The following PDGFC variants were observed in gnomAD, a reference collection of about 807,000 sequenced individuals.
PDGFC encodes platelet derived growth factor C.
Under a neutral mutation model 35.5 loss-of-function variants are expected in PDGFC, and 12 were observed. The ratio of observed to expected loss-of-function variants is 0.34; its 90% CI spans 0.22 to 0.55. The LOEUF (loss-of-function observed/expected upper bound fraction) is 0.55. Ranked by LOEUF, PDGFC falls within the 20% of genes least tolerant of loss-of-function variation. PDGFC has a pLI of 0.91. For synonymous variants in PDGFC, 159 were observed against 148.8 expected (o/e 1.07, Z -0.50); for missense variants, 322 against 412.4 (o/e 0.78, Z 1.90).
chr4:156,825,961 T>C (rs1479627740), intron 2 of PDGFC, among the ~76,000 whole-genome samples: 1 of 151,632 alleles, frequency 6.6e-6, no homozygotes, highest in Non-Finnish European at 1.5e-5. Context: ...CTTTAACTCC[T>C]AGCCCCAAGG....
At chr4:156,804,906 C>T (rs144590890) in intron 3 of PDGFC, among the ~76,000 whole-genome samples, 35 of 152,068 alleles carry the variant, frequency 2.3e-4, no homozygotes, top group Admixed American at 4.6e-4. Context: ...AATTAATCTA[C>T]GATTTTATTT....
intron 3 of PDGFC, among the ~76,000 whole-genome samples, chr4:156,789,976 C>CAAAAAAAAA (rs750843965): frequency 5.4e-5 from 3 of 55,932 alleles, no homozygotes; most frequent in Non-Finnish European, 9.8e-5. Context: ...GTCTCCATCT[C>CAAAAAAAAA]AAAAAAAAAA....
chr4:156,866,785 A>C (rs774288484), intron 1 of PDGFC, among the ~76,000 whole-genome samples: 35 of 140,416 alleles, frequency 2.5e-4, no homozygotes, highest in Non-Finnish European at 4.5e-4. Flanking sequence ...GCTTAACATT[A>C]ATTAAAACAG....
chr4:156,909,708 T>C (rs1253750121), intron 1 of PDGFC, among the ~76,000 whole-genome samples: 1 of 152,224 alleles, frequency 6.6e-6, no homozygotes, highest in Non-Finnish European at 1.5e-5. Context: ...GATTTTCTTT[T>C]ACTGTGTCCT....
chr4:156,771,771 T>C (rs1278479630), intron 4 of PDGFC, among the ~76,000 whole-genome samples: 1 of 152,144 alleles, frequency 6.6e-6, no homozygotes, highest in Admixed American at 6.6e-5. Flanking sequence ...TAACCGAACA[T>C]TATTCCTTTC....
At chr4:156,905,986 G>A (rs1730906595) in intron 1 of PDGFC, among the ~76,000 whole-genome samples, 1 of 152,010 alleles carries the variant, frequency 6.6e-6, no homozygotes, top group Admixed American at 6.6e-5. Context: ...ATGAAACCCA[G>A]TATTAAAAGA....
intron 2 of PDGFC, among the ~76,000 whole-genome samples, chr4:156,847,155 C>T (rs1729346551): frequency 6.6e-6 from 1 of 151,520 alleles, no homozygotes; most frequent in African/African-American, 2.4e-5. Context: ...TCAGTATCTC[C>T]TTGAGTGTGG....
chr4:156,882,426 C>A (rs1424562003), intron 1 of PDGFC, among the ~76,000 whole-genome samples: 3 of 151,996 alleles, frequency 2.0e-5, no homozygotes, highest in Non-Finnish European at 4.4e-5. Context: ...AGAAAAAGTA[C>A]AATATTTAGG....
intron 1 of PDGFC, among the ~76,000 whole-genome samples, chr4:156,912,166 T>A (rs1160714959): frequency 1.3e-5 from 2 of 152,110 alleles, no homozygotes; most frequent in Admixed American, 1.3e-4. Flanking sequence ...TATTCACTTC[T>A]TAGAGCACTG....
intron 1 of PDGFC, among the ~76,000 whole-genome samples, chr4:156,945,342 C>CATACATATAT (rs1328692309): frequency 3.0e-4 from 24 of 81,078 alleles, no homozygotes; most frequent in Non-Finnish European, 5.5e-4. Flanking sequence ...CATATACATA[C>CATACATATAT]ATATATATAT....
intron 1 of PDGFC, among the ~76,000 whole-genome samples, chr4:156,911,508 G>C (rs1731038490): frequency 1.3e-5 from 2 of 152,012 alleles, no homozygotes; most frequent in Non-Finnish European, 2.9e-5. Flanking sequence ...AGTAATAATA[G>C]TTAAAGGTTG....
In PDGFC at chr4:156,767,794, T is replaced by A. The variant is rs1334335568; in HGVS notation, c.900A>T (p.Lys300Asn). The change falls in exon 5 of 6, where the codon AAA becomes AAT. Residue 300 changes from lysine to asparagine, a missense_variant. Transcript: ENST00000502773. The stretch of plus-strand genomic sequence containing the variant: ...CTACCTCGTGGTATTTTTTAGTAAC[T>A]TTGCTTGGGACACATTGACATTCAT... ...NCNECQCVPS[K>N]VTKKYHEVLQ... The A allele has an allele frequency of 3.7e-6, 6 of 1,612,300 alleles. No homozygotes were observed.
intron 2 of PDGFC, among the ~76,000 whole-genome samples, chr4:156,831,311 A>G (rs1333455068): frequency 6.6e-6 from 1 of 151,888 alleles, no homozygotes; most frequent in Non-Finnish European, 1.5e-5. Flanking sequence ...AGTATACCTA[A>G]TTTTCTAAAA....
At chr4:156,833,959 A>G (rs1056078400) in intron 2 of PDGFC, among the ~76,000 whole-genome samples, 2 of 152,230 alleles carry the variant, frequency 1.3e-5, no homozygotes, top group African/African-American at 2.4e-5. Flanking sequence ...TTCTCTACCC[A>G]GGATCTCAAT....
chr4:156,835,418 A>G (rs748742261), intron 2 of PDGFC, among the ~76,000 whole-genome samples: 2 of 152,222 alleles, frequency 1.3e-5, no homozygotes, highest in Non-Finnish European at 2.9e-5. Context: ...TCTGAATCAT[A>G]TTATTTAAAC....
At chr4:156,970,337 A>C (rs2110997884) in intron 1 of PDGFC, among the ~76,000 whole-genome samples, 1 of 152,290 alleles carries the variant, frequency 6.6e-6, no homozygotes, top group African/African-American at 2.4e-5. Context: ...TCATTGATTA[A>C]TTGATGACTT....
At chr4:156,961,648 A>G (rs1269755527) in intron 1 of PDGFC, among the ~76,000 whole-genome samples, 2 of 152,154 alleles carry the variant, frequency 1.3e-5, no homozygotes, top group South Asian at 4.1e-4. Context: ...CAGATACTCA[A>G]TGAAGTGTAA....
intron 1 of PDGFC, among the ~76,000 whole-genome samples, chr4:156,922,182 G>GTGTA (rs1553978768): frequency 7.3e-5 from 11 of 151,622 alleles, no homozygotes; most frequent in Admixed American, 3.9e-4. Context: ...GTGTGTGTGT[G>GTGTA]TGTGTGTGTG....
intron 2 of PDGFC, among the ~76,000 whole-genome samples, chr4:156,815,799 G>A (rs946865155): frequency 1.3e-5 from 2 of 152,106 alleles, no homozygotes; most frequent in Non-Finnish European, 2.9e-5. Context: ...AATTGGCCAC[G>A]TCAGTATTTA....
Sources: gnomAD v4.1 joint callset for allele counts (sites outside exome capture counted in the v4.1 genomes callset) on GRCh38, gnomAD v4.1.1 for gene constraint, MANE v1.5 for transcripts, NCBI Gene and HGNC (gene_info 2026-07-23, HGNC 2026-07-21) for gene names.